STPG2: variants seen among roughly 807,000 people sequenced by gnomAD.
STPG2 encodes sperm tail PG-rich repeat containing 2.
STPG2 carries 56 observed loss-of-function variants against 54.2 expected under a neutral mutation model. The ratio of observed to expected loss-of-function variants is 1.03; its 90% confidence interval spans 0.83 to 1.29. The LOEUF (loss-of-function observed/expected upper bound fraction) is 1.29. Ranked by LOEUF, STPG2 falls within the 50% of genes most tolerant of loss-of-function variation. STPG2 has a pLI of 0.00. For missense variants in STPG2, 596 were observed against 544.9 expected (o/e 1.09, Z -0.93); for synonymous variants, 200 against 181.8 (o/e 1.10, Z -0.81).
Position 97,616,057 on chromosome 4 carries a change from AATATATAT to A in STPG2, c.1321-56948_1321-56941del, listed in dbSNP as rs70953077. 4.5e-3 allele frequency among the ~76,000 whole-genome samples: 168 copies of A among 37,394 alleles called. 4 individuals are homozygous for A. Among genetic ancestry groups the A allele is most frequent in the East Asian group, 0.022 (33 of 1,512 alleles). The allele number at this position is 37,394 out of a possible 152,430, so 24.5% of individuals were successfully genotyped here. On this transcript the variant is annotated intron_variant, in intron 10 of 10. Coordinates refer to ENST00000295268, the MANE Select transcript of STPG2 (RefSeq NM_174952.3). ...GTCTCAAAAAAAAAAAATACATATA[AATATATAT>A]ATATATATATATATATATATATATA...
At chr4:97,712,893 G>T in intron 9 of STPG2, 79 bp from the exon 10 acceptor site, 2 of 913,380 alleles carry the variant, frequency 2.2e-6, no homozygotes, top group Non-Finnish European at 3.2e-6. Flanking sequence ...TATTAGGTTT[G>T]TGCTCTTAAT....
intron 10 of STPG2, among the ~76,000 whole-genome samples, chr4:97,569,358 T>G (rs539438276): frequency 6.6e-6 from 1 of 152,138 alleles, no homozygotes; most frequent in African/African-American, 2.4e-5. Flanking sequence ...ACCATCTTGG[T>G]TTTGGCCAGC....
intron 5 of STPG2, among the ~76,000 whole-genome samples, chr4:98,022,990 ATCT>A (rs1368992093): frequency 1.3e-5 from 2 of 151,974 alleles, no homozygotes; most frequent in East Asian, 3.9e-4. Context: ...GAGTAGTTTG[ATCT>A]TCTGAAGCCT....
At chr4:97,921,278 C>T (rs1403831752) in intron 8 of STPG2, among the ~76,000 whole-genome samples, 1 of 152,090 alleles carries the variant, frequency 6.6e-6, no homozygotes, top group Non-Finnish European at 1.5e-5. Flanking sequence ...CCGGCAGCCC[C>T]AGGATCCAGC....
chr4:97,798,181 T>C (rs1055540550), intron 9 of STPG2, among the ~76,000 whole-genome samples: 40 of 152,096 alleles, frequency 2.6e-4, no homozygotes, highest in East Asian at 5.8e-4. Flanking sequence ...TCTCTATCTC[T>C]TTCAGTTCTT....
chr4:97,705,386 C>G (rs866492383), intron 10 of STPG2, among the ~76,000 whole-genome samples: 2 of 151,544 alleles, frequency 1.3e-5, no homozygotes, highest in African/African-American at 4.9e-5. Flanking sequence ...AGTGCAGTGG[C>G]GCGATCTCGG....
chr4:97,631,600 C>G (rs1230523267), intron 10 of STPG2, among the ~76,000 whole-genome samples: 1 of 151,980 alleles, frequency 6.6e-6, no homozygotes, highest in African/African-American at 2.4e-5. Context: ...ATTTGAAATT[C>G]TAAAAGCACT....
intron 8 of STPG2, 152 bp downstream of exon 8, chr4:97,943,745 G>T: frequency 3.8e-6 from 2 of 524,134 alleles, no homozygotes; most frequent in Non-Finnish European, 6.5e-6. Context: ...GAATTTTGTT[G>T]AACTTTAAAA....
At chr4:97,672,901 G>A (rs549552707) in intron 10 of STPG2, among the ~76,000 whole-genome samples, 1 of 152,306 alleles carries the variant, frequency 6.6e-6, no homozygotes, top group African/African-American at 2.4e-5. Context: ...TCTATGTGCT[G>A]TTTTTAAAAT....
At chr4:97,739,212 C>T (rs1215353891) in intron 9 of STPG2, among the ~76,000 whole-genome samples, 1 of 152,016 alleles carries the variant, frequency 6.6e-6, no homozygotes, top group Non-Finnish European at 1.5e-5. Flanking sequence ...ACATTCAAAG[C>T]AGTGTGTAGA....
intron 10 of STPG2, among the ~76,000 whole-genome samples, chr4:97,689,579 T>G (rs1332446833): frequency 6.6e-6 from 1 of 152,102 alleles, no homozygotes; most frequent in Non-Finnish European, 1.5e-5. Context: ...GCTAGAAAAG[T>G]TTTTTCTCCT....
At chr4:98,023,363 G>A (rs556933364) in intron 5 of STPG2, among the ~76,000 whole-genome samples, 6 of 152,262 alleles carry the variant, frequency 3.9e-5, no homozygotes, top group South Asian at 4.1e-4. Context: ...TTCGTGAACC[G>A]CAAATGTTGC....
chr4:97,624,363 T>A (rs776931889), intron 10 of STPG2, among the ~76,000 whole-genome samples: 1 of 152,258 alleles, frequency 6.6e-6, no homozygotes, highest in Non-Finnish European at 1.5e-5. Context: ...TTTGCATTTC[T>A]CTAATGATCA....
intron 6 of STPG2, among the ~76,000 whole-genome samples, chr4:97,973,854 C>A (rs1441050008): frequency 1.3e-5 from 2 of 152,190 alleles, no homozygotes; most frequent in Non-Finnish European, 2.9e-5. Flanking sequence ...TTATGGAGAA[C>A]CTCTGCTAGG....
intron 10 of STPG2, among the ~76,000 whole-genome samples, chr4:97,628,801 G>T (rs970866389): frequency 2.0e-5 from 3 of 151,976 alleles, no homozygotes; most frequent in African/African-American, 7.2e-5. Context: ...TGTTCTTACT[G>T]ATAGATAAAA....
At chr4:97,491,782 G>T (rs932285851) in intron 4 of STPG2, among the ~76,000 whole-genome samples, 1 of 151,468 alleles carries the variant, frequency 6.6e-6, no homozygotes, top group Non-Finnish European at 1.5e-5. Context: ...GAAAACAAAT[G>T]TGAAATTTAT....
intron 9 of STPG2, among the ~76,000 whole-genome samples, chr4:97,722,841 C>T (rs1364132363): frequency 6.7e-6 from 1 of 148,594 alleles, no homozygotes; most frequent in Admixed American, 6.7e-5. Flanking sequence ...TCTGTCGCCC[C>T]GGCTGGAGTG....
At chr4:98,013,143 G>A (rs1183267843) in intron 5 of STPG2, among the ~76,000 whole-genome samples, 1 of 152,164 alleles carries the variant, frequency 6.6e-6, no homozygotes, top group Non-Finnish European at 1.5e-5. Flanking sequence ...CTAGTTTATT[G>A]AGAGTTTTTA....
At chr4:98,079,420 T>C (rs1578836986) in intron 5 of STPG2, among the ~76,000 whole-genome samples, 1 of 152,176 alleles carries the variant, frequency 6.6e-6, no homozygotes, top group Non-Finnish European at 1.5e-5. Flanking sequence ...GGCTGCAGGG[T>C]GTTAATGAAT....
Sources: allele counts gnomAD v4.1 joint callset (sites outside exome capture counted in the v4.1 genomes callset), GRCh38; gene constraint gnomAD v4.1.1; transcripts MANE v1.5; gene names NCBI Gene and HGNC (gene_info 2026-07-23, HGNC 2026-07-21).